Variants in SDK1 observed in about 807,000 individuals in gnomAD.
The protein encoded by SDK1 is protein sidekick-1.
In SDK1, 157 loss-of-function variants were observed where a neutral mutation model predicts 245.5. The ratio of observed to expected loss-of-function variants is 0.64; its 90% CI spans 0.56 to 0.73. The LOEUF is 0.73. Among genes scored for constraint, SDK1 ranks in the 30% least tolerant of loss-of-function variants. The probability of loss-of-function intolerance (pLI) is 0.00; values close to 1 mark genes in which losing one functional copy is unlikely to be tolerated. For missense variants in SDK1, 3,583 were observed against 3,002.3 expected, an observed-to-expected ratio of 1.19 and a Z score of -4.52; for synonymous variants, 1,647 against 1,278.5, an observed-to-expected ratio of 1.29 and a Z score of -6.15.
chr7:3,984,619 A>G (rs1272286754), intron 13 of SDK1, among the ~76,000 whole-genome samples: 1 of 152,002 alleles, frequency 6.6e-6, no homozygotes, highest in East Asian at 1.9e-4. Flanking sequence ...CTGTTTTGCA[A>G]GGTTTGTCCT....
intron 1 of SDK1, among the ~76,000 whole-genome samples, chr7:3,471,587 T>C (rs550868735): frequency 6.6e-6 from 1 of 152,318 alleles, no homozygotes; most frequent in South Asian, 2.1e-4. Context: ...TTTGCGTATT[T>C]ACACTATGTT....
At chr7:3,444,460 A>T (rs946325409) in intron 1 of SDK1, among the ~76,000 whole-genome samples, 1 of 152,176 alleles carries the variant, frequency 6.6e-6, no homozygotes. Flanking sequence ...GGGTGATTTC[A>T]TGATACAATT....
intron 35 of SDK1, among the ~76,000 whole-genome samples, chr7:4,184,851 G>A (rs905767990): frequency 1.2e-4 from 18 of 152,126 alleles, no homozygotes; most frequent in Non-Finnish European, 1.5e-4. Flanking sequence ...TGGATCCAGC[G>A]CCCCAGCAAG....
At chr7:3,669,248 C>G (rs1476260950) in intron 4 of SDK1, among the ~76,000 whole-genome samples, 1 of 152,108 alleles carries the variant, frequency 6.6e-6, no homozygotes, top group Non-Finnish European at 1.5e-5. Flanking sequence ...AGTGTAGGAG[C>G]AGAGGGGATT....
chr7:3,326,739 T>A (rs1161155380), intron 1 of SDK1, among the ~76,000 whole-genome samples: 6 of 152,180 alleles, frequency 3.9e-5, no homozygotes, highest in Non-Finnish European at 8.8e-5. Context: ...TATGCATCTA[T>A]CACTCAGTTT....
At chr7:3,920,703 A>G (rs1779555555) in intron 5 of SDK1, among the ~76,000 whole-genome samples, 1 of 152,170 alleles carries the variant, frequency 6.6e-6, no homozygotes, top group Admixed American at 6.5e-5. Flanking sequence ...TTTAGGATTA[A>G]TTTCTAATGG....
At chr7:3,446,546 G>C (rs1426034402) in intron 1 of SDK1, among the ~76,000 whole-genome samples, 2 of 152,142 alleles carry the variant, frequency 1.3e-5, no homozygotes, top group Non-Finnish European at 2.9e-5. Flanking sequence ...CTTCCTTGCA[G>C]AAGCTGTATC....
intron 4 of SDK1, among the ~76,000 whole-genome samples, chr7:3,666,293 G>A (rs1208089330): frequency 6.6e-6 from 1 of 152,186 alleles, no homozygotes; most frequent in East Asian, 1.9e-4. Context: ...CCTTCACAAG[G>A]CAGCCACGCT....
chr7:4,152,267 G>A (rs146857473), intron 30 of SDK1, among the ~76,000 whole-genome samples: 2 of 152,296 alleles, frequency 1.3e-5, no homozygotes, highest in African/African-American at 2.4e-5. Context: ...AACTCGAGGG[G>A]CACAGCTCTC....
chr7:3,649,032 C>T (rs1782930084), intron 4 of SDK1, among the ~76,000 whole-genome samples: 1 of 152,190 alleles, frequency 6.6e-6, no homozygotes, highest in South Asian at 2.1e-4. Context: ...TGGACATTTC[C>T]TGAGCACTTA....
At chr7:3,587,241 A>G (rs1385084463) in intron 1 of SDK1, among the ~76,000 whole-genome samples, 1 of 152,114 alleles carries the variant, frequency 6.6e-6, no homozygotes, top group Non-Finnish European at 1.5e-5. Flanking sequence ...GGGGATTTAG[A>G]GTTTGAGATT....
intron 4 of SDK1, among the ~76,000 whole-genome samples, chr7:3,699,080 C>T (rs2115004689): frequency 6.6e-6 from 1 of 152,274 alleles, no homozygotes; most frequent in South Asian, 2.1e-4. Context: ...TGTCCACCTG[C>T]CACCTGGCAG....
intron 1 of SDK1, among the ~76,000 whole-genome samples, chr7:3,545,694 G>A (rs571731329): frequency 1.1e-4 from 17 of 152,280 alleles, no homozygotes; most frequent in Middle Eastern, 3.4e-3. Flanking sequence ...ATTTTACCAG[G>A]CCAGAGCTGG....
intron 1 of SDK1, among the ~76,000 whole-genome samples, chr7:3,387,300 C>G (rs1781634132): frequency 6.6e-6 from 1 of 152,152 alleles, no homozygotes; most frequent in African/African-American, 2.4e-5. Flanking sequence ...CATCCTCCCT[C>G]CCCACCAACC....
intron 1 of SDK1, among the ~76,000 whole-genome samples, chr7:3,516,465 A>C (rs1004000242): frequency 6.6e-6 from 1 of 152,120 alleles, no homozygotes; most frequent in Non-Finnish European, 1.5e-5. Flanking sequence ...GGTAATTTTT[A>C]GGTGTTCTAC....
chr7:3,801,234 T>C (rs1779099019), intron 4 of SDK1, among the ~76,000 whole-genome samples: 1 of 152,234 alleles, frequency 6.6e-6, no homozygotes. Context: ...ATGTAATATT[T>C]CATCAATATA....
intron 1 of SDK1, among the ~76,000 whole-genome samples, chr7:3,578,511 G>A (rs10238338): frequency 0.078 from 11,810 of 151,972 alleles, 633 homozygotes; most frequent in Middle Eastern, 0.16. Context: ...ACTAGTACAG[G>A]GTTTCCCAAT....
At chr7:3,777,661 C>G (rs1056230521) in intron 4 of SDK1, among the ~76,000 whole-genome samples, 1 of 152,146 alleles carries the variant, frequency 6.6e-6, no homozygotes, top group East Asian at 1.9e-4. Context: ...GGTGGGTATT[C>G]ACATATTTTC....
intron 4 of SDK1, among the ~76,000 whole-genome samples, chr7:3,682,583 G>A (rs1784137420): frequency 1.5e-4 from 1 of 6,660 alleles, no homozygotes; most frequent in Non-Finnish European, 4.8e-4. Context: ...CTTCAGCACG[G>A]CTGGCCTCTC....
Sources: gnomAD v4.1 joint callset for allele counts (sites outside exome capture counted in the v4.1 genomes callset) on GRCh38, gnomAD v4.1.1 for gene constraint, MANE v1.5 for transcripts, NCBI Gene and HGNC (gene_info 2026-07-23, HGNC 2026-07-21) for gene names.